The following RAD51B variants were observed in gnomAD, a reference collection of about 807,000 sequenced individuals.
The protein encoded by RAD51B is DNA repair protein RAD51 homolog 2.
Under a neutral mutation model 42.2 loss-of-function variants are expected in RAD51B, and 38 were observed. The ratio of observed to expected loss-of-function variants is 0.90; its 90% confidence interval spans 0.70 to 1.18. The LOEUF (loss-of-function observed/expected upper bound fraction) is 1.18, where lower values mean the gene tolerates loss of function less well. RAD51B is among the 50% of genes most tolerant of loss of function. RAD51B has a pLI of 0.00. For synonymous variants in RAD51B, 154 were observed against 145.2 expected, an observed-to-expected ratio of 1.06 and a Z score of -0.43; for missense variants, 373 against 400.7, an observed-to-expected ratio of 0.93 and a Z score of 0.59.
chr14:67,945,770 C>T lies in RAD51B; in HGVS notation c.756+58566C>T, dbSNP rs868717279. ...ACAGGCATGAGCTACCATGCCCAGC[C>T]CAGACCAAGAGTTTTAAATTGAGGT... On this transcript the variant is annotated intron_variant, in intron 7 of 10. Transcript: ENST00000471583. Among the ~76,000 whole-genome samples the T allele has an allele frequency of 2.6e-5, 4 of 152,108 alleles. No homozygotes were observed. In the South Asian group the frequency reaches 8.3e-4, roughly 32 times the overall value.
chr14:68,373,384 A>G (rs55749276), intron 8 of RAD51B, among the ~76,000 whole-genome samples: 67,483 of 152,046 alleles, frequency 0.44, 16,762 homozygotes, highest in South Asian at 0.59. Context: ...ATGCCCATCA[A>G]TGATAGACTG....
At chr14:67,847,519 G>C (rs78993513) in intron 4 of RAD51B, among the ~76,000 whole-genome samples, 1 of 151,772 alleles carries the variant, frequency 6.6e-6, no homozygotes, top group Admixed American at 6.6e-5. Flanking sequence ...TTTGACTTCC[G>C]CCTTAATTTC....
intron 9 of RAD51B, among the ~76,000 whole-genome samples, chr14:68,455,480 G>A (rs1425701592): frequency 6.6e-6 from 1 of 152,126 alleles, no homozygotes; most frequent in Non-Finnish European, 1.5e-5. Flanking sequence ...CACTTTGGGA[G>A]GTCAAGACAG....
chr14:68,442,473 G>A (rs780367992), intron 9 of RAD51B, among the ~76,000 whole-genome samples: 15 of 114,940 alleles, frequency 1.3e-4, no homozygotes, highest in Non-Finnish European at 2.0e-4. Context: ...CTAGAGTCTC[G>A]CTCTGTTGCT....
chr14:68,369,419 C>T (rs954324125), intron 8 of RAD51B, among the ~76,000 whole-genome samples: 3 of 152,188 alleles, frequency 2.0e-5, no homozygotes, highest in African/African-American at 7.2e-5. Flanking sequence ...TGAGAGCACT[C>T]AGGAAGTAGT....
At chr14:68,622,723 CAAAAAA>C (rs34816047) in intron 10 of RAD51B, among the ~76,000 whole-genome samples, 9 of 115,450 alleles carry the variant, frequency 7.8e-5, no homozygotes, top group Non-Finnish European at 1.1e-4. Context: ...TATCCATTTA[CAAAAAA>C]AAAAAAAAAA....
At chr14:68,100,430 C>T (rs1450253819) in intron 7 of RAD51B, among the ~76,000 whole-genome samples, 1 of 152,136 alleles carries the variant, frequency 6.6e-6, no homozygotes, top group Admixed American at 6.5e-5. Flanking sequence ...CCTCCTGTCT[C>T]AGCCTCCCAA....
rs561213566 is a variant in RAD51B at position 68,602,517 on chromosome 14, G to A, written c.1037-8489G>A. ...GGATGGATGGATAGCTAGATAGATA[G>A]CTAGCTAGATAGATAGATAGATAGA... On this transcript the variant is annotated intron_variant, in intron 10 of 10. Coordinates refer to the RAD51B transcript ENST00000487861. Among the ~76,000 whole-genome samples the A allele has an allele frequency of 7.1e-5, 10 of 141,768 alleles. No individual in the cohort carries two copies. The South Asian group carries it at 1.3e-3, about 19-fold the overall frequency. The allele number at this position is 141,768 out of a possible 152,430, so 93.0% of individuals were successfully genotyped here.
At chr14:68,028,932 G>A (rs2075997260) in intron 7 of RAD51B, among the ~76,000 whole-genome samples, 1 of 152,216 alleles carries the variant, frequency 6.6e-6, no homozygotes, top group Non-Finnish European at 1.5e-5. Context: ...GCTGGCTGAA[G>A]CCCTGATTCT....
At chr14:68,476,499 C>T (rs772244698) in intron 10 of RAD51B, among the ~76,000 whole-genome samples, 1 of 152,306 alleles carries the variant, frequency 6.6e-6, no homozygotes, top group Admixed American at 6.5e-5. Context: ...TAAATCATTT[C>T]GCCACTTAGT....
At chr14:67,999,816 T>G (rs1300714907) in intron 7 of RAD51B, among the ~76,000 whole-genome samples, 1 of 152,162 alleles carries the variant, frequency 6.6e-6, no homozygotes, top group African/African-American at 2.4e-5. Flanking sequence ...GAAATGATAT[T>G]TAAATTGTGC....
At chr14:68,273,989 G>A (rs1393728298) in intron 7 of RAD51B, among the ~76,000 whole-genome samples, 2 of 151,862 alleles carry the variant, frequency 1.3e-5, no homozygotes, top group African/African-American at 4.8e-5. Context: ...GTATAGATTT[G>A]TACTGAAAAC....
chr14:68,112,412 A>C (rs963851987), intron 7 of RAD51B, among the ~76,000 whole-genome samples: 3 of 152,104 alleles, frequency 2.0e-5, no homozygotes, highest in Non-Finnish European at 4.4e-5. Flanking sequence ...TGAAGTTAGG[A>C]GTCACTTGAT....
chr14:68,481,444 A>G (rs1338245997), downstream of RAD51B, among the ~76,000 whole-genome samples: 1 of 152,196 alleles, frequency 6.6e-6, no homozygotes, highest in Non-Finnish European at 1.5e-5. Context: ...AGTGCCCTAT[A>G]CCCAGTGTTT....
chr14:68,240,849 A>G (rs1282086322), intron 7 of RAD51B, among the ~76,000 whole-genome samples: 3 of 152,254 alleles, frequency 2.0e-5, no homozygotes, highest in East Asian at 3.8e-4. Flanking sequence ...CTGAGAAGGA[A>G]AAGGAAAGGA....
intron 10 of RAD51B, among the ~76,000 whole-genome samples, chr14:68,505,521 C>T (rs909527010): frequency 6.9e-6 from 1 of 144,770 alleles, no homozygotes; most frequent in African/African-American, 2.5e-5. Flanking sequence ...TTAGAAATAA[C>T]AAATGAACTT....
At chr14:67,978,711 T>C (rs1232300423) in intron 7 of RAD51B, among the ~76,000 whole-genome samples, 1 of 152,212 alleles carries the variant, frequency 6.6e-6, no homozygotes, top group Non-Finnish European at 1.5e-5. Context: ...GCCCCTACTT[T>C]AATATTTCTA....
At chr14:68,170,446 G>T (rs1196721443) in intron 7 of RAD51B, among the ~76,000 whole-genome samples, 1 of 152,002 alleles carries the variant, frequency 6.6e-6, no homozygotes, top group African/African-American at 2.4e-5. Context: ...AAAATCAGAG[G>T]ATATCCTTTT....
intron 4 of RAD51B, among the ~76,000 whole-genome samples, chr14:67,861,576 TAAA>T (rs34392333): frequency 2.2e-5 from 3 of 138,692 alleles, no homozygotes; most frequent in Non-Finnish European, 1.6e-5. Flanking sequence ...AACCTGTCTT[TAAA>T]AAAAAAAAAA....
Sources: allele counts gnomAD v4.1 joint callset (sites outside exome capture counted in the v4.1 genomes callset), GRCh38; gene constraint gnomAD v4.1.1; transcripts MANE v1.5; gene names NCBI Gene and HGNC (gene_info 2026-07-23, HGNC 2026-07-21).